Variants in DOCK2 observed in about 807,000 individuals in gnomAD.
The protein encoded by DOCK2 is dedicator of cytokinesis protein 2.
DOCK2 carries 87 observed loss-of-function variants against 248.9 expected under a neutral mutation model. That is an observed-to-expected ratio of 0.35 (90% CI 0.29 to 0.42). The LOEUF is 0.42. Ranked by LOEUF, DOCK2 falls within the 10% of genes least tolerant of loss-of-function variation. The pLI is 1.00. For missense variants in DOCK2, 1,747 were observed against 2,300.2 expected (o/e 0.76, Z 4.92); for synonymous variants, 805 against 821.6 (o/e 0.98, Z 0.35).
intron 38 of DOCK2, among the ~76,000 whole-genome samples, chr5:170,042,774 G>A (rs1232585439): frequency 6.6e-6 from 1 of 152,178 alleles, no homozygotes; most frequent in African/African-American, 2.4e-5. Context: ...CTTCTTCAAA[G>A]CACTTGTTCC....
intron 26 of DOCK2, among the ~76,000 whole-genome samples, chr5:169,803,997 G>A (rs2113136299): frequency 6.6e-6 from 1 of 152,306 alleles, no homozygotes; most frequent in South Asian, 2.1e-4. Flanking sequence ...GTCCTTAGAT[G>A]GGACTGGCTT....
intron 27 of DOCK2, among the ~76,000 whole-genome samples, chr5:169,886,684 G>C (rs534966045): frequency 6.6e-6 from 1 of 152,214 alleles, no homozygotes; most frequent in Non-Finnish European, 1.5e-5. Context: ...AAATTTGTGA[G>C]ATGGTCGCAT....
chr5:169,671,628 G>T (rs1279207504), intron 5 of DOCK2, among the ~76,000 whole-genome samples: 1 of 152,164 alleles, frequency 6.6e-6, no homozygotes, highest in East Asian at 1.9e-4. Context: ...GAAAAACAAA[G>T]AATATATTTT....
chr5:170,078,504 TA>T (rs1370933170), intron 48 of DOCK2, among the ~76,000 whole-genome samples: 2 of 152,192 alleles, frequency 1.3e-5, no homozygotes, highest in Non-Finnish European at 2.9e-5. Flanking sequence ...ACCCAGCACT[TA>T]CCATATGCCA....
At chr5:169,721,013 C>T (rs1021532924) in intron 22 of DOCK2, among the ~76,000 whole-genome samples, 2 of 152,204 alleles carry the variant, frequency 1.3e-5, no homozygotes, top group Non-Finnish European at 2.9e-5. Context: ...TGAGCCACTG[C>T]GCCCAGCCAG....
rs763839702 is a variant in DOCK2 at position 169,689,667 on chromosome 5, C to T, written c.843+334C>T. ...GGGCACAACAGCAATTTTGATTTTC[C>T]GGTTCATTCATGATTAACCTGAGTT... On this transcript the variant is annotated intron_variant, in intron 9 of 51. Coordinates refer to ENST00000520908, the MANE Select transcript of DOCK2 (RefSeq NM_004946.3). 2.6e-4 allele frequency among the ~76,000 whole-genome samples: 39 copies of T among 152,272 alleles called. 1 individual carries two copies. The highest frequency in any genetic ancestry group is 3.9e-4 in the East Asian group (2 of 5,182).
At chr5:169,912,209 C>A (rs1774635318) in intron 27 of DOCK2, among the ~76,000 whole-genome samples, 1 of 151,964 alleles carries the variant, frequency 6.6e-6, no homozygotes, top group African/African-American at 2.4e-5. Flanking sequence ...ATAGGCCAGG[C>A]TTTTATTTAT....
chr5:169,872,856 G>A (rs1288986967), intron 27 of DOCK2, among the ~76,000 whole-genome samples: 1 of 152,214 alleles, frequency 6.6e-6, no homozygotes, highest in African/African-American at 2.4e-5. Flanking sequence ...TTCCTCATCT[G>A]TAAAATGGGA....
intron 27 of DOCK2, among the ~76,000 whole-genome samples, chr5:169,940,953 G>A (rs1222090308): frequency 6.6e-6 from 1 of 152,202 alleles, no homozygotes; most frequent in Non-Finnish European, 1.5e-5. Context: ...AATGCCGATA[G>A]TGCCATGGCT....
chr5:169,853,803 ACTTTTTTTTTTTTTTTTTTTT>A, intron 27 of DOCK2, among the ~76,000 whole-genome samples: 2 of 110,098 alleles, frequency 1.8e-5, no homozygotes, highest in Non-Finnish European at 3.5e-5. Context: ...AGGAAAAACA[ACTTTTTTTTTTTTTTTTTTTT>A]TTTTTTTTTT....
chr5:169,984,418 A>G (rs1371120058), intron 28 of DOCK2, among the ~76,000 whole-genome samples: 1 of 152,144 alleles, frequency 6.6e-6, no homozygotes, highest in African/African-American at 2.4e-5. Context: ...GCTCTGTACT[A>G]AGCATGTGAT....
At chr5:169,724,531 C>T (rs567431615) in intron 22 of DOCK2, among the ~76,000 whole-genome samples, 26 of 152,184 alleles carry the variant, frequency 1.7e-4, no homozygotes, top group African/African-American at 4.6e-4. Context: ...TCCCTACCCC[C>T]GAGAGCCGAG....
Position 169,747,510 on chromosome 5 carries a change from T to C in DOCK2, c.2376+6T>C. 1.2e-6 allele frequency: 2 copies of C among 1,608,072 alleles called. No individual in the cohort carries two copies. The highest frequency in any genetic ancestry group is 1.7e-6 in the Non-Finnish European group (2 of 1,176,582). ...AAACTACCATCCTTTTGCAGGTTGG[T>C]TTATGCTACAATAAAATCTATCTTC... On this transcript the variant is annotated splice_donor_region_variant and intron_variant, in intron 23 of 51. Transcript: ENST00000520908.
chr5:169,804,505 A>C (rs5011499), intron 26 of DOCK2, among the ~76,000 whole-genome samples: 18,362 of 123,138 alleles, frequency 0.15, 1,626 homozygotes, highest in Middle Eastern at 0.21. Flanking sequence ...CGTGCGCGTA[A>C]GCATTTTTGT....
At chr5:170,024,629 C>G (rs1018103608) in intron 33 of DOCK2, among the ~76,000 whole-genome samples, 30 of 152,120 alleles carry the variant, frequency 2.0e-4, no homozygotes, top group Admixed American at 1.9e-3. Flanking sequence ...GAAGGAGATG[C>G]TATTTCAAAT....
At chr5:170,052,183 C>T (rs375756851) in intron 41 of DOCK2, among the ~76,000 whole-genome samples, 3 of 152,294 alleles carry the variant, frequency 2.0e-5, no homozygotes, top group East Asian at 3.9e-4. Context: ...TTCTTCTCTC[C>T]GGTGGTAAAT....
chr5:169,849,085 C>T (rs191441804), intron 27 of DOCK2, among the ~76,000 whole-genome samples: 31 of 152,240 alleles, frequency 2.0e-4, no homozygotes, highest in Admixed American at 1.8e-3. Context: ...GTCTAGGATA[C>T]GAGGAGGTGT....
intron 27 of DOCK2, among the ~76,000 whole-genome samples, chr5:169,887,950 T>G (rs1439759490): frequency 3.3e-5 from 5 of 152,238 alleles, no homozygotes; most frequent in Non-Finnish European, 7.3e-5. Flanking sequence ...GAAAAGAAAT[T>G]GTATCTCATT....
At chr5:169,754,110 G>C (rs1251196521) in intron 23 of DOCK2, among the ~76,000 whole-genome samples, 1 of 152,200 alleles carries the variant, frequency 6.6e-6, no homozygotes, top group African/African-American at 2.4e-5. Flanking sequence ...GTTTGAAAGA[G>C]AGAGAAAGGG....
Sources: allele counts gnomAD v4.1 joint callset (sites outside exome capture counted in the v4.1 genomes callset), GRCh38; gene constraint gnomAD v4.1.1; transcripts MANE v1.5; gene names NCBI Gene and HGNC (gene_info 2026-07-23, HGNC 2026-07-21).